LYRM4: variants seen among roughly 807,000 people sequenced by gnomAD.
LYRM4 encodes LYR motif containing 4.
LYRM4 carries 9 observed loss-of-function variants against 11.7 expected under a neutral mutation model. The ratio of observed to expected loss-of-function variants is 0.77; its 90% CI spans 0.46 to 1.34. The LOEUF (loss-of-function observed/expected upper bound fraction) is 1.34. Among genes scored for constraint, LYRM4 ranks in the 40% most tolerant of loss-of-function variants. The probability of loss-of-function intolerance (pLI) is 0.00; values close to 1 mark genes in which losing one functional copy is unlikely to be tolerated. For synonymous variants in LYRM4, 42 were observed against 40.4 expected (o/e 1.04, Z -0.15); for missense variants, 133 against 112.5 (o/e 1.18, Z -0.82).
Position 5,170,603 on chromosome 6 carries a change from C to T in LYRM4, c.207+46015G>A, listed in dbSNP as rs151098179. On this transcript the variant is annotated intron_variant, in intron 2 of 2. Coordinates refer to ENST00000330636, the MANE Select transcript of LYRM4 (RefSeq NM_020408.6). Reference sequence around the variant, plus strand: ...GTAACCTCTGCCTCCCGTGTTCAAGCGATTCTTGTGCCTCAGCCTCGCGAC... The same window carrying T: ...GTAACCTCTGCCTCCCGTGTTCAAGTGATTCTTGTGCCTCAGCCTCGCGAC... Among the ~76,000 whole-genome samples the T allele has an allele frequency of 2.6e-5, 4 of 152,288 alleles. No homozygotes were observed. The East Asian group carries it at 5.8e-4, about 22-fold the overall frequency.
intron 2 of LYRM4, among the ~76,000 whole-genome samples, chr6:5,133,655 G>A (rs895881477): frequency 6.6e-6 from 1 of 152,130 alleles, no homozygotes; most frequent in Non-Finnish European, 1.5e-5. Context: ...TTCAAAGTGC[G>A]TAATTCAGTG....
At chr6:5,076,103 C>T in the LYRM4 span, among the ~76,000 whole-genome samples, 3 of 152,080 alleles carry the variant, frequency 2.0e-5, no homozygotes, top group Admixed American at 6.5e-5. Flanking sequence ...CATCACCACG[C>T]CCAGCTAATT....
At chr6:5,175,169 T>C (rs1195266686) in intron 2 of LYRM4, among the ~76,000 whole-genome samples, 1 of 152,246 alleles carries the variant, frequency 6.6e-6, no homozygotes, top group East Asian at 1.9e-4. Context: ...TTATGAGTTC[T>C]GGGTCTTTCA....
intron 2 of LYRM4, among the ~76,000 whole-genome samples, chr6:5,167,414 C>T (rs565335407): frequency 8.5e-4 from 129 of 152,316 alleles, no homozygotes; most frequent in African/African-American, 2.8e-3. Context: ...CTTCCCTCTT[C>T]GCCTATTAAT....
At chr6:5,185,931 C>T (rs542077984) in intron 2 of LYRM4, among the ~76,000 whole-genome samples, 2 of 152,128 alleles carry the variant, frequency 1.3e-5, no homozygotes, top group South Asian at 4.1e-4. Context: ...GAAGGGGAGG[C>T]AGGAGTGAGG....
chr6:5,148,028 C>T (rs181051965), intron 2 of LYRM4, among the ~76,000 whole-genome samples: 18 of 152,258 alleles, frequency 1.2e-4, no homozygotes, highest in African/African-American at 4.3e-4. Flanking sequence ...TAGCACTCCC[C>T]AGGCCACCTG....
the LYRM4 span, among the ~76,000 whole-genome samples, chr6:5,037,844 G>A: frequency 5.5e-5 from 3 of 55,036 alleles, no homozygotes; most frequent in Admixed American, 2.4e-4. Flanking sequence ...CCCGGACGGG[G>A]CGGCTGGCCG....
At chr6:5,110,961 G>A (rs1340647146) in intron 2 of LYRM4, among the ~76,000 whole-genome samples, 2 of 152,150 alleles carry the variant, frequency 1.3e-5, no homozygotes, top group Non-Finnish European at 2.9e-5. Context: ...AGCCGCACTG[G>A]TTTTCTCAGG....
At chr6:5,133,323 C>G (rs1172759496) in intron 2 of LYRM4, among the ~76,000 whole-genome samples, 5 of 152,172 alleles carry the variant, frequency 3.3e-5, no homozygotes, top group Non-Finnish European at 5.9e-5. Flanking sequence ...GCAGCAGATT[C>G]CTGACAGCGT....
At chr6:5,073,298 A>T in the LYRM4 span, among the ~76,000 whole-genome samples, 1 of 151,890 alleles carries the variant, frequency 6.6e-6, no homozygotes, top group African/African-American at 2.4e-5. Context: ...TGAACCCGGG[A>T]AGTGGAGGTT....
chr6:5,040,352 G>GATAGATACATAC, the LYRM4 span, among the ~76,000 whole-genome samples: 642 of 130,148 alleles, frequency 4.9e-3, 1 homozygote, highest in Middle Eastern at 0.011. Context: ...TAGATAGATA[G>GATAGATACATAC]ATACATACAT....
intron 1 of LYRM4, among the ~76,000 whole-genome samples, chr6:5,245,090 A>G (rs9502282): frequency 4.4e-5 from 1 of 22,560 alleles, no homozygotes; most frequent in East Asian, 1.2e-3. Context: ...GGAAGACCTT[A>G]AAAAAAAAAA....
chr6:5,201,667 GACGGGGCAGTCAGGAATC>G (rs1041904286), intron 2 of LYRM4, among the ~76,000 whole-genome samples: 12 of 152,278 alleles, frequency 7.9e-5, no homozygotes, highest in Middle Eastern at 6.8e-3. Context: ...AGGGCACCAA[GACGGGGCAGTCAGGAATC>G]ACGGGGCTGT....
At chr6:5,162,134 C>T (rs552170236) in intron 2 of LYRM4, among the ~76,000 whole-genome samples, 2 of 152,280 alleles carry the variant, frequency 1.3e-5, no homozygotes, top group African/African-American at 2.4e-5. Context: ...TATGAGAGGA[C>T]TGAGCACCAC....
At chr6:5,214,171 G>A (rs893164561) in intron 2 of LYRM4, among the ~76,000 whole-genome samples, 4 of 152,224 alleles carry the variant, frequency 2.6e-5, no homozygotes, top group African/African-American at 9.6e-5. Context: ...TGTCATAGTA[G>A]GTACTGATAA....
intron 2 of LYRM4, among the ~76,000 whole-genome samples, chr6:5,204,457 C>T (rs1761575363): frequency 6.6e-6 from 1 of 152,086 alleles, no homozygotes; most frequent in East Asian, 1.9e-4. Flanking sequence ...CTCATGATGC[C>T]AAAGGGAAAG....
intron 2 of LYRM4, among the ~76,000 whole-genome samples, chr6:5,175,285 A>G (rs557875795): frequency 6.6e-6 from 1 of 152,340 alleles, no homozygotes; most frequent in South Asian, 2.1e-4. Flanking sequence ...TTCACATTAA[A>G]ATGGGAAATC....
chr6:5,196,618 A>C (rs1761070545), intron 2 of LYRM4, among the ~76,000 whole-genome samples: 1 of 152,180 alleles, frequency 6.6e-6, no homozygotes, highest in Non-Finnish European at 1.5e-5. Flanking sequence ...ACAGCACACC[A>C]CTATCAGGGG....
At chr6:5,137,473 C>G (rs769037814) in intron 2 of LYRM4, among the ~76,000 whole-genome samples, 1 of 152,074 alleles carries the variant, frequency 6.6e-6, no homozygotes, top group Non-Finnish European at 1.5e-5. Flanking sequence ...TGGAGTTGGC[C>G]CCACTCCTCC....
Sources: allele counts gnomAD v4.1 joint callset (sites outside exome capture counted in the v4.1 genomes callset), GRCh38; gene constraint gnomAD v4.1.1; transcripts MANE v1.5; gene names NCBI Gene and HGNC (gene_info 2026-07-23, HGNC 2026-07-21).